Variants in CNIH3 observed in about 807,000 individuals in gnomAD.
The protein encoded by CNIH3 is protein cornichon homolog 3.
A neutral mutation model predicts 24.1 loss-of-function variants in CNIH3; 14 were observed. The observed-to-expected ratio is 0.58, with a 90% CI of 0.38 to 0.91. The LOEUF is 0.91. Among genes scored for constraint, CNIH3 ranks in the 40% least tolerant of loss-of-function variants. The probability of loss-of-function intolerance (pLI) is 0.00; values close to 1 mark genes in which losing one functional copy is unlikely to be tolerated. For synonymous variants in CNIH3, 68 were observed against 73.8 expected, an observed-to-expected ratio of 0.92 and a Z score of 0.40; for missense variants, 178 against 196.8, an observed-to-expected ratio of 0.90 and a Z score of 0.57.
chr1:224,696,796 G>GTA (rs397983011), intron 3 of CNIH3, among the ~76,000 whole-genome samples: 3 of 147,748 alleles, frequency 2.0e-5, no homozygotes, highest in African/African-American at 7.4e-5. Flanking sequence ...GTGTGTGTGT[G>GTA]TATGTGGTGT....
upstream of CNIH3, among the ~76,000 whole-genome samples, chr1:224,515,274 G>A (rs1678334187): frequency 6.6e-6 from 1 of 152,144 alleles, no homozygotes; most frequent in Admixed American, 6.6e-5. Context: ...TTATTTATGT[G>A]TACTTTTGTA....
intron 5 of CNIH3, among the ~76,000 whole-genome samples, chr1:224,737,739 G>A (rs1325024386): frequency 6.6e-6 from 1 of 152,208 alleles, no homozygotes; most frequent in African/African-American, 2.4e-5. Context: ...GTTAAGAAAT[G>A]TGTCTCAGGT....
intron 1 of CNIH3, among the ~76,000 whole-genome samples, chr1:224,446,212 G>GTTTTTTTTTTT (rs35812016): frequency 9.2e-6 from 1 of 108,876 alleles, no homozygotes; most frequent in African/African-American, 3.3e-5. Flanking sequence ...TTTCAACTTT[G>GTTTTTTTTTTT]TTTTTTTTTT....
At chr1:224,574,628 G>A in intron 4 of CNIH3, 1 of 860,574 alleles carries the variant, frequency 1.2e-6, no homozygotes, top group South Asian at 1.3e-5. Context: ...AGCTCAGGGA[G>A]CAGGTGGTGA....
chr1:224,605,584 C>T (rs1312823513), intron 3 of CNIH3, among the ~76,000 whole-genome samples: 1 of 152,188 alleles, frequency 6.6e-6, no homozygotes, highest in African/African-American at 2.4e-5. Context: ...TTGCAACTTC[C>T]CCAATTAATC....
chr1:224,651,653 TC>T (rs1480650696), intron 1 of CNIH3, among the ~76,000 whole-genome samples: 1 of 152,174 alleles, frequency 6.6e-6, no homozygotes. Flanking sequence ...GCTCATGGAG[TC>T]CCTCTGAGTT....
At chr1:224,476,375 A>G (rs1676587672) in intron 1 of CNIH3, among the ~76,000 whole-genome samples, 1 of 152,260 alleles carries the variant, frequency 6.6e-6, no homozygotes, top group South Asian at 2.1e-4. Context: ...AAACAAATTT[A>G]GTAAAGTTTC....
chr1:224,492,204 A>G (rs896620594), intron 1 of CNIH3, among the ~76,000 whole-genome samples: 32 of 152,254 alleles, frequency 2.1e-4, no homozygotes, highest in Non-Finnish European at 7.3e-5. Flanking sequence ...ATTGGCCATG[A>G]CAGGAATATT....
intron 5 of CNIH3, chr1:224,583,413 T>A (rs942718690): frequency 1.3e-5 from 2 of 152,242 alleles, no homozygotes; most frequent in African/African-American, 4.8e-5. Flanking sequence ...GGCCACACTA[T>A]GTGAGAGTGA....
At chr1:224,501,086 C>G (rs758653632) in intron 1 of CNIH3, among the ~76,000 whole-genome samples, 2 of 152,200 alleles carry the variant, frequency 1.3e-5, no homozygotes, top group African/African-American at 2.4e-5. Flanking sequence ...GTTCTGGAAA[C>G]AGTAATCTTT....
chr1:224,632,829 A>G (rs895555224), intron 1 of CNIH3, among the ~76,000 whole-genome samples: 1 of 152,136 alleles, frequency 6.6e-6, no homozygotes, highest in Admixed American at 6.5e-5. Context: ...TTCAGTTTTG[A>G]CATCCTTTCC....
In CNIH3 at chr1:224,654,162, A is replaced by G. The variant is rs189049512; in HGVS notation, c.82-26796A>G. Among the ~76,000 whole-genome samples, 832 of 151,994 alleles carry G rather than the reference A, an allele frequency of 5.5e-3. 9 individuals are homozygous for G. Among genetic ancestry groups the G allele is most frequent in the Middle Eastern group, 0.034 (10 of 294 alleles). On this transcript the variant is annotated intron_variant, in intron 1 of 5. Coordinates refer to ENST00000272133, the MANE Select transcript of CNIH3 (RefSeq NM_152495.2). ...TTTGGGAGGCCAAGGCGGGCGGATC[A>G]CCTGAGGTCAGGAGTTCGAGACCAG...
intron 1 of CNIH3, among the ~76,000 whole-genome samples, chr1:224,491,532 G>A (rs1027333373): frequency 6.6e-6 from 1 of 151,850 alleles, no homozygotes; most frequent in Non-Finnish European, 1.5e-5. Context: ...ATTATTGTAT[G>A]GCAGTTTATT....
chr1:224,542,730 A>G (rs1232340580), intron 2 of CNIH3, among the ~76,000 whole-genome samples: 1 of 152,142 alleles, frequency 6.6e-6, no homozygotes, highest in Non-Finnish European at 1.5e-5. Context: ...CTTCCTAGGA[A>G]CAGTCCAGTT....
At chr1:224,659,879 C>A (rs1473029153) in intron 1 of CNIH3, among the ~76,000 whole-genome samples, 4 of 152,084 alleles carry the variant, frequency 2.6e-5, no homozygotes, top group Admixed American at 1.3e-4. Context: ...CTGAAAGCAG[C>A]AAGACACATT....
intron 4 of CNIH3, among the ~76,000 whole-genome samples, chr1:224,569,029 C>T (rs1044627106): frequency 3.3e-5 from 5 of 152,108 alleles, no homozygotes; most frequent in African/African-American, 1.2e-4. Flanking sequence ...TGTGCCACCA[C>T]GCCTGGCTTT....
At chr1:224,627,785 G>A (rs1393105021) in intron 1 of CNIH3, among the ~76,000 whole-genome samples, 1 of 152,192 alleles carries the variant, frequency 6.6e-6, no homozygotes, top group African/African-American at 2.4e-5. Flanking sequence ...TGTTGTCAGA[G>A]GGAATGGCTT....
At chr1:224,566,124 T>C (rs1680572691) in intron 3 of CNIH3, 1 of 152,154 alleles carries the variant, frequency 6.6e-6, no homozygotes, top group Non-Finnish European at 1.5e-5. Flanking sequence ...ATCTCTATAG[T>C]ATACCTGGAT....
chr1:224,694,513 G>A (rs745970461), intron 3 of CNIH3, among the ~76,000 whole-genome samples: 9 of 152,142 alleles, frequency 5.9e-5, no homozygotes, highest in Non-Finnish European at 1.2e-4. Flanking sequence ...CCTTGGCTAG[G>A]TCACGGTGCC....
Sources: allele counts gnomAD v4.1 joint callset (sites outside exome capture counted in the v4.1 genomes callset), GRCh38; gene constraint gnomAD v4.1.1; transcripts MANE v1.5; gene names NCBI Gene and HGNC (gene_info 2026-07-23, HGNC 2026-07-21).